TMEM117: variants seen among roughly 807,000 people sequenced by gnomAD.
The protein encoded by TMEM117 is transmembrane protein 117.
TMEM117 carries 27 observed loss-of-function variants against 52.4 expected under a neutral mutation model. The observed-to-expected ratio is 0.51, with a 90% CI of 0.38 to 0.71. The LOEUF is 0.71. TMEM117 is among the 30% of genes least tolerant of loss of function. The pLI is 0.00. For missense variants in TMEM117, 556 were observed against 630.5 expected (o/e 0.88, Z 1.26); for synonymous variants, 215 against 206.3 (o/e 1.04, Z -0.36).
chr12:43,867,195 A>G (rs1222958811), intron 2 of TMEM117, among the ~76,000 whole-genome samples: 6 of 152,222 alleles, frequency 3.9e-5, no homozygotes, highest in African/African-American at 9.6e-5. Context: ...GACAATAATG[A>G]CAGATTGGAG....
At chr12:44,245,326 A>G (rs2138494330) in intron 5 of TMEM117, among the ~76,000 whole-genome samples, 2 of 152,100 alleles carry the variant, frequency 1.3e-5, no homozygotes, top group East Asian at 3.9e-4. Flanking sequence ...ATTCCAATCC[A>G]TGAACACTGG....
chr12:44,207,725 T>G (rs1460632289), intron 4 of TMEM117, among the ~76,000 whole-genome samples: 1 of 151,926 alleles, frequency 6.6e-6, no homozygotes, highest in Non-Finnish European at 1.5e-5. Flanking sequence ...TTATACCACC[T>G]GCTAATATAC....
intron 5 of TMEM117, among the ~76,000 whole-genome samples, chr12:44,259,214 A>G (rs1950294117): frequency 6.6e-6 from 1 of 152,124 alleles, no homozygotes; most frequent in South Asian, 2.1e-4. Context: ...TAAATGTTCC[A>G]GCTATATAGC....
Position 44,388,842 on chromosome 12 carries a change from A to G in TMEM117, c.*170A>G. ...CTAGGATTCATTGTTTTCTATTTGT[A>G]TTATAATACACGTGCCTACTGTATA... On this transcript the variant is annotated 3_prime_UTR_variant, in exon 8 of 8. Transcript: ENST00000266534. 1.4e-6 allele frequency: 1 copy of G among 732,094 alleles called. No individual in the cohort carries two copies. Among genetic ancestry groups the G allele is most frequent in the Non-Finnish European group, 2.2e-6 (1 of 458,142 alleles). 45.3% of individuals were successfully genotyped at this position (732,094 alleles called of 1,614,324 possible). A position where few individuals can be genotyped will look rare whatever the true frequency, so the allele number is the denominator to read the frequency against.
chr12:44,252,003 T>C (rs1260380121), intron 5 of TMEM117, among the ~76,000 whole-genome samples: 1 of 152,164 alleles, frequency 6.6e-6, no homozygotes, highest in African/African-American at 2.4e-5. Flanking sequence ...CTTAGCGTAA[T>C]GTTCAAGGCT....
chr12:44,301,039 T>G (rs1592677112), intron 6 of TMEM117, among the ~76,000 whole-genome samples: 2 of 152,354 alleles, frequency 1.3e-5, no homozygotes, highest in East Asian at 3.9e-4. Flanking sequence ...AATGTCCACA[T>G]TGGCCAGATG....
chr12:43,888,584 A>G (rs1158445486), intron 2 of TMEM117, among the ~76,000 whole-genome samples: 32 of 120,122 alleles, frequency 2.7e-4, no homozygotes, highest in African/African-American at 8.3e-4. Flanking sequence ...GTCTTGCTCT[A>G]TCACCCAGGC....
At chr12:44,057,542 T>C (rs1947075269) in intron 3 of TMEM117, among the ~76,000 whole-genome samples, 1 of 151,598 alleles carries the variant, frequency 6.6e-6, no homozygotes, top group Admixed American at 6.6e-5. Context: ...TTTACAGAGG[T>C]CCTGAGAGAA....
intron 3 of TMEM117, among the ~76,000 whole-genome samples, chr12:44,047,760 A>G (rs879386117): frequency 2.0e-5 from 3 of 152,266 alleles, no homozygotes; most frequent in Non-Finnish European, 4.4e-5. Context: ...TTTGTTTTAT[A>G]TATTACTGGA....
At chr12:43,836,579 G>A (rs1421423611) in intron 1 of TMEM117, among the ~76,000 whole-genome samples, 2 of 152,160 alleles carry the variant, frequency 1.3e-5, no homozygotes, top group Non-Finnish European at 2.9e-5. Context: ...TCCTAGCCTA[G>A]GAACTGAGTA....
At chr12:43,854,501 G>A (rs1241196732) in intron 2 of TMEM117, among the ~76,000 whole-genome samples, 1 of 151,908 alleles carries the variant, frequency 6.6e-6, no homozygotes, top group African/African-American at 2.4e-5. Flanking sequence ...AAGATAATGA[G>A]TTAAGGAAGT....
intron 3 of TMEM117, among the ~76,000 whole-genome samples, chr12:43,958,795 C>CT (rs1555188002): frequency 0.075 from 4,519 of 60,638 alleles, 94 homozygotes; most frequent in Middle Eastern, 0.17. Flanking sequence ...TGCATGGTTT[C>CT]TTTTTTTGTT....
chr12:43,839,569 A>G (rs1228054931), intron 1 of TMEM117, among the ~76,000 whole-genome samples: 4 of 152,054 alleles, frequency 2.6e-5, no homozygotes, highest in Non-Finnish European at 5.9e-5. Flanking sequence ...GTCACCTTAT[A>G]ATGAGGTCTT....
intron 5 of TMEM117, among the ~76,000 whole-genome samples, chr12:44,231,335 A>T (rs1949930384): frequency 6.6e-6 from 1 of 151,428 alleles, no homozygotes; most frequent in South Asian, 2.1e-4. Flanking sequence ...TCATTATTGC[A>T]TTGTATTACA....
At chr12:43,836,421 G>T (rs1421787690) in intron 1 of TMEM117, among the ~76,000 whole-genome samples, 4 of 152,160 alleles carry the variant, frequency 2.6e-5, no homozygotes, top group Non-Finnish European at 5.9e-5. Context: ...TGTCAAGGAG[G>T]GAGGGGGGAC....
intron 6 of TMEM117, among the ~76,000 whole-genome samples, chr12:44,363,546 T>C (rs1399224365): frequency 1.3e-5 from 2 of 152,224 alleles, no homozygotes; most frequent in South Asian, 2.1e-4. Context: ...CATAAACTAC[T>C]GACTTGAAAA....
At chr12:44,041,175 T>C (rs1293386022) in intron 3 of TMEM117, among the ~76,000 whole-genome samples, 1 of 151,630 alleles carries the variant, frequency 6.6e-6, no homozygotes, top group Non-Finnish European at 1.5e-5. Context: ...ACATGTGCCA[T>C]GTTGGTGTGC....
At chr12:43,885,892 G>A (rs546695042) in intron 2 of TMEM117, among the ~76,000 whole-genome samples, 9 of 152,234 alleles carry the variant, frequency 5.9e-5, no homozygotes, top group African/African-American at 1.7e-4. Context: ...AGCTAAGTAC[G>A]GACAAGAGAA....
At chr12:44,227,401 C>T (rs929903948) in intron 5 of TMEM117, among the ~76,000 whole-genome samples, 7 of 152,050 alleles carry the variant, frequency 4.6e-5, no homozygotes, top group Admixed American at 4.6e-4. Context: ...GAGGTTGAGG[C>T]TGAAATCATG....
Sources: gnomAD v4.1 joint callset for allele counts (sites outside exome capture counted in the v4.1 genomes callset) on GRCh38, gnomAD v4.1.1 for gene constraint, MANE v1.5 for transcripts, NCBI Gene and HGNC (gene_info 2026-07-23, HGNC 2026-07-21) for gene names.